Variants in TWF2 observed in about 807,000 individuals in gnomAD.
TWF2 encodes twinfilin-2.
A neutral mutation model predicts 45.1 loss-of-function variants in TWF2; 15 were observed. The observed-to-expected ratio is 0.33, with a 90% CI of 0.22 to 0.51. TWF2 has a LOEUF of 0.51. Ranked by LOEUF, TWF2 falls within the 20% of genes least tolerant of loss-of-function variation. The pLI is 0.97. For missense variants in TWF2, 423 were observed against 469.1 expected (o/e 0.90, Z 0.91); for synonymous variants, 177 against 195.8 (o/e 0.90, Z 0.80).
At position 52,235,098 on chromosome 3, in the gene TWF2, C is replaced by A; in HGVS notation, c.34G>T (p.Glu12Ter). 3.1e-6 allele frequency: 5 copies of A among 1,613,928 alleles called. No homozygotes were observed. Among genetic ancestry groups the A allele is most frequent in the Non-Finnish European group, 3.4e-6 (4 of 1,180,012 alleles). Residue 12 changes from glutamate (E) to a stop codon, truncating the protein, a stop_gained, in exon 2 of 9, where the codon GAG (glutamate) becomes TAG (stop). Transcript: ENST00000305533. LOFTEE classifies it high-confidence loss of function. ...GCCTTGGCAAAGAATTCCTTCAGCTCTTCCGTGGCTATAAGAACAAGAAAC... is the reference window on the plus strand; with the variant it reads ...GCCTTGGCAAAGAATTCCTTCAGCTATTCCGTGGCTATAAGAACAAGAAAC... ...AHQTGIHATE[E>*]LKEFFAKARA...
intron 1 of TWF2, among the ~76,000 whole-genome samples, chr3:52,235,976 G>C (rs1699722051): frequency 1.3e-5 from 2 of 152,090 alleles, no homozygotes; most frequent in Admixed American, 1.3e-4. Context: ...CAGCTTCCAG[G>C]AGAAGGAATG....
Position 52,229,790 on chromosome 3 carries a change from G to A in TWF2, c.761-8C>T. On this transcript the variant is annotated splice_polypyrimidine_tract_variant and splice_region_variant and intron_variant, in intron 7 of 8. Coordinates refer to ENST00000305533, the MANE Select transcript of TWF2 (RefSeq NM_007284.4). ...GCATGGAGTAGATGAACACTGTTGG[G>A]GGGCAGGAGGTGAGCCTGGGAGGCC... The A allele has an allele frequency of 1.9e-6, 3 of 1,608,098 alleles. No homozygotes were observed. Among genetic ancestry groups the A allele is most frequent in the Non-Finnish European group, 2.6e-6 (3 of 1,176,266 alleles).
chr3:52,232,024 A>G lies in TWF2; in HGVS notation c.202T>C (p.Tyr68His). 6.2e-7 allele frequency: 1 copy of G among 1,614,010 alleles called. No individual in the cohort carries two copies. The highest frequency in any genetic ancestry group is 8.5e-7 in the Non-Finnish European group (1 of 1,179,944). ...TGTGAGTCGAGGCGGTAGAGCAGGTAGCAGGGCTGCTGGGCGTCCAGCAGT... is the reference window on the plus strand; with the variant it reads ...TGTGAGTCGAGGCGGTAGAGCAGGTGGCAGGGCTGCTGGGCGTCCAGCAGT... ...LPLLDAQQPCYLLYRLDSQNA... is the reference protein window; with the variant it reads ...LPLLDAQQPCHLLYRLDSQNA... Residue 68 changes from tyrosine to histidine, a missense_variant, in exon 3 of 9, where the codon TAC becomes CAC. By Grantham distance (83) the Tyr-to-His change is moderately conservative (BLOSUM62 2). Coordinates refer to ENST00000305533, the MANE Select transcript of TWF2 (RefSeq NM_007284.4).
intron 1 of TWF2, 56 bp downstream of exon 1, chr3:52,238,936 G>GGA: frequency 6.4e-7 from 1 of 1,566,070 alleles, no homozygotes; most frequent in East Asian, 2.3e-5. Context: ...AGCCGGGGGG[G>GGA]GGCGCTTCCG....
rs999606493 is a variant in TWF2, at chr3:52,228,686, C to G, written c.*348G>C. ...CAAACTGCAGTGACCCCTGCCCCAGCCCTGACTGACCCCACTTCTTGTGGC... is the reference window on the plus strand; with the variant it reads ...CAAACTGCAGTGACCCCTGCCCCAGGCCTGACTGACCCCACTTCTTGTGGC... On this transcript the variant is annotated 3_prime_UTR_variant, in exon 9 of 9. Transcript: ENST00000305533. The G allele has an allele frequency of 3.3e-6, 1 of 306,810 alleles. No homozygotes were observed. Among genetic ancestry groups the G allele is most frequent in the African/African-American group, 2.2e-5 (1 of 46,300 alleles). The allele number at this position is 306,810 out of a possible 1,614,324, so 19.0% of individuals were successfully genotyped here. A position where few individuals can be genotyped will look rare whatever the true frequency, so the allele number is the denominator to read the frequency against.
chr3:52,231,664 G>A (rs1027364619), intron 3 of TWF2, 125 bp from the exon 4 acceptor site: 39 of 1,159,816 alleles, frequency 3.4e-5, no homozygotes, highest in African/African-American at 4.6e-5. Flanking sequence ...GGGCCAGCCC[G>A]GGGCCAGGAC....
At chr3:52,230,805 C>T in intron 6 of TWF2, 65 bp downstream of exon 6, 1 of 1,564,696 alleles carries the variant, frequency 6.4e-7, no homozygotes, top group Non-Finnish European at 8.7e-7. Context: ...TGTACATCTG[C>T]ACATGTGCAT....
Position 52,228,808 on chromosome 3 carries a change from C to CTTA in TWF2, c.*225_*226insTAA. 1.5e-6 allele frequency: 1 copy of CTTA among 665,418 alleles called. No individual in the cohort carries two copies. Among genetic ancestry groups the CTTA allele is most frequent in the South Asian group, 2.0e-5 (1 of 48,948 alleles). 41.2% of individuals were successfully genotyped at this position (665,418 alleles called of 1,614,324 possible). On this transcript the variant is annotated 3_prime_UTR_variant, in exon 9 of 9. Coordinates refer to ENST00000305533, the MANE Select transcript of TWF2 (RefSeq NM_007284.4). ...ACCCAGCCCCCTTAAGCCAGCCAGG[C>CTTA]AGGGTCCCCGGACACCCTGGGCACA...
intron 3 of TWF2, 86 bp from the exon 4 acceptor site, chr3:52,231,625 G>T: frequency 1.4e-6 from 2 of 1,428,556 alleles, no homozygotes; most frequent in Non-Finnish European, 9.5e-7. Context: ...GGAACTCGGT[G>T]GGCTCACTGC....
Position 52,228,870 on chromosome 3 carries a change from C to CA in TWF2, c.*163dup. 1 of 1,098,648 alleles carries CA rather than the reference C, an allele frequency of 9.1e-7. No individual in the cohort carries two copies. Among genetic ancestry groups the CA allele is most frequent in the Non-Finnish European group, 1.3e-6 (1 of 792,098 alleles). The allele number at this position is 1,098,648 out of a possible 1,614,324, so 68.1% of individuals were successfully genotyped here. A position where few individuals can be genotyped will look rare whatever the true frequency, so the allele number is the denominator to read the frequency against. On this transcript the variant is annotated 3_prime_UTR_variant, in exon 9 of 9. Coordinates refer to ENST00000305533, the MANE Select transcript of TWF2 (RefSeq NM_007284.4). ...CAGGGACAGCAACAGGGAAGGGTCA[C>CA]AAAATGCCAGCCCGGTGGCCCTCGG... is the stretch of plus-strand genomic sequence containing the variant.
In TWF2 at chr3:52,238,934, G is replaced by GT. The variant is rs1203214336; in HGVS notation, c.25+57_25+58insA. The GT allele has an allele frequency of 5.4e-5, 85 of 1,564,926 alleles. No individual in the cohort carries two copies. The African/African-American group carries it at 7.6e-4, about 14-fold the overall frequency. On this transcript the variant is annotated intron_variant, in intron 1 of 8. Coordinates refer to ENST00000305533, the MANE Select transcript of TWF2 (RefSeq NM_007284.4). ...TGGAGGGAGGGGCCGAGAGCCGGGG[G>GT]GGGGCGCTTCCGAGAGCCCAGACCG...
chr3:52,238,843 G>T (rs1282479295), intron 1 of TWF2, 149 bp downstream of exon 1: 1 of 1,063,122 alleles, frequency 9.4e-7, no homozygotes, highest in Non-Finnish European at 1.3e-6. Flanking sequence ...TCCCCCAGAT[G>T]TGCCCACCCC....
rs1234106349 is a variant in TWF2, at chr3:52,228,987, G to A, written c.*47C>T. On this transcript the variant is annotated 3_prime_UTR_variant, in exon 9 of 9. Coordinates refer to ENST00000305533, the MANE Select transcript of TWF2 (RefSeq NM_007284.4). ...AGGAGGATGGTGGCAGGGAGCGGAA[G>A]GTGGGCAGCCCCACAGTCCACACGT... The A allele has an allele frequency of 1.9e-6, 3 of 1,577,454 alleles. No homozygotes were observed. Among genetic ancestry groups the A allele is most frequent in the East Asian group, 2.3e-5 (1 of 44,398 alleles).
At position 52,231,239 on chromosome 3, in the gene TWF2, G is replaced by T; in HGVS notation, c.379-8C>A. ...AGCAAAAGAGAGGTCATCCTGCAGG[G>T]GTGGGGGTGAATGCAGAGCCATAAA... On this transcript the variant is annotated splice_polypyrimidine_tract_variant and splice_region_variant and intron_variant, in intron 4 of 8. Transcript: ENST00000305533. The T allele has an allele frequency of 3.1e-6, 5 of 1,613,982 alleles. No individual in the cohort carries two copies. Among genetic ancestry groups the T allele is most frequent in the Non-Finnish European group, 4.2e-6 (5 of 1,179,892 alleles).
Position 52,231,135 on chromosome 3 carries a change from T to C in TWF2, c.475A>G (p.Ile159Val). ...SAERELQQIR[I>V]NEVKTEISVE... ...CTCTGCTCCCCACCCACCTCGTTAA[T>C]GCGGATCTGCTGGAGCTCTCTCTCA... Residue 159 changes from isoleucine to valine, a missense_variant, in exon 5 of 9, where the codon ATT becomes GTT. Coordinates refer to ENST00000305533, the MANE Select transcript of TWF2 (RefSeq NM_007284.4). 6.2e-7 allele frequency: 1 copy of C among 1,614,042 alleles called. No homozygotes were observed. Among genetic ancestry groups the C allele is most frequent in the Non-Finnish European group, 8.5e-7 (1 of 1,179,966 alleles).
intron 8 of TWF2, 145 bp from the exon 9 acceptor site, chr3:52,229,346 A>C: frequency 1.6e-6 from 2 of 1,252,210 alleles, no homozygotes; most frequent in Non-Finnish European, 2.2e-6. Context: ...CCCACCTGGA[A>C]TGCCACTCCC....
rs1312487375 is a variant in TWF2, at chr3:52,234,228, C to G, written c.103+801G>C. 2.6e-5 allele frequency among the ~76,000 whole-genome samples: 4 copies of G among 152,138 alleles called. No individual in the cohort carries two copies. The South Asian group carries it at 6.2e-4, about 24-fold the overall frequency. On this transcript the variant is annotated intron_variant, in intron 2 of 8. Coordinates refer to ENST00000305533, the MANE Select transcript of TWF2 (RefSeq NM_007284.4). ...CCCATTCAGGCAGCCATCCAAAGTG[C>G]CTGCTGCTGAATGGCTAATGAGAAG... is the stretch of plus-strand genomic sequence containing the variant.
intron 2 of TWF2, among the ~76,000 whole-genome samples, 176 bp downstream of exon 2, chr3:52,234,853 G>T (rs757143714): frequency 6.6e-6 from 1 of 152,136 alleles, no homozygotes; most frequent in Admixed American, 6.5e-5. Flanking sequence ...TGACAATTGC[G>T]CCCACCTCTG....
rs780205713 is a variant in TWF2 at position 52,229,179 on chromosome 3, T to C, written c.905A>G (p.Glu302Gly). ...AKKIEIGDGAELTAEFLYDEV... is the reference protein window; with the variant it reads ...AKKIEIGDGAGLTAEFLYDEV... ...GTCGTAGAGGAACTCTGCCGTCAGC[T>C]CTGCCCCATCGCCAATCTCAATCTG... Residue 302 changes from glutamate (E) to glycine (G), a missense_variant, in exon 9 of 9, where the codon GAG becomes GGG. Glu to Gly is a moderately conservative substitution (Grantham distance 98). Coordinates refer to ENST00000305533, the MANE Select transcript of TWF2 (RefSeq NM_007284.4). 6.2e-7 allele frequency: 1 copy of C among 1,612,174 alleles called. No homozygotes were observed. Among genetic ancestry groups the C allele is most frequent in the Non-Finnish European group, 8.5e-7 (1 of 1,179,988 alleles).
Sources: gnomAD v4.1 joint callset for allele counts (sites outside exome capture counted in the v4.1 genomes callset) on GRCh38, gnomAD v4.1.1 for gene constraint, MANE v1.5 for transcripts, NCBI Gene and HGNC (gene_info 2026-07-23, HGNC 2026-07-21) for gene names.